EFL1: variants seen among roughly 807,000 people sequenced by gnomAD.
EFL1 encodes the protein elongation factor-like GTPase 1.
A neutral mutation model predicts 126.7 loss-of-function variants in EFL1; 76 were observed. The ratio of observed to expected loss-of-function variants is 0.60; its 90% CI spans 0.50 to 0.73. The LOEUF (loss-of-function observed/expected upper bound fraction) is 0.73. EFL1 is among the 30% of genes least tolerant of loss of function. The pLI is 0.00. For missense variants in EFL1, 1,128 were observed against 1,343.2 expected, an observed-to-expected ratio of 0.84 and a Z score of 2.50; for synonymous variants, 410 against 448.4, an observed-to-expected ratio of 0.91 and a Z score of 1.08.
At chr15:82,161,308 G>A (rs2074022071) in intron 16 of EFL1, among the ~76,000 whole-genome samples, 2 of 152,118 alleles carry the variant, frequency 1.3e-5, no homozygotes, top group Non-Finnish European at 2.9e-5. Flanking sequence ...CCCAATAGTC[G>A]TCAGACATGT....
chr15:82,137,659 C>T (rs1034286629), intron 19 of EFL1, among the ~76,000 whole-genome samples: 5 of 152,332 alleles, frequency 3.3e-5, no homozygotes, highest in African/African-American at 1.2e-4. Flanking sequence ...TTACAAGCCT[C>T]CATGGTAAAA....
At chr15:82,255,688 ATTT>A (rs549700646) in intron 3 of EFL1, among the ~76,000 whole-genome samples, 1 of 151,516 alleles carries the variant, frequency 6.6e-6, no homozygotes, top group Admixed American at 6.6e-5. Flanking sequence ...TAGAGGTCCA[ATTT>A]TTTTTTCCAC....
At chr15:82,225,758 T>C (rs2074756746) in intron 11 of EFL1, among the ~76,000 whole-genome samples, 2 of 152,190 alleles carry the variant, frequency 1.3e-5, no homozygotes, top group African/African-American at 4.8e-5. Flanking sequence ...AACAAATTCT[T>C]AGAAATAAAT....
intron 15 of EFL1, among the ~76,000 whole-genome samples, chr15:82,190,214 T>C (rs997045319): frequency 1.3e-5 from 2 of 152,222 alleles, no homozygotes; most frequent in Non-Finnish European, 2.9e-5. Flanking sequence ...GTATTGAATC[T>C]GTTCCTCACT....
rs1273110492 is a variant in EFL1, at chr15:82,148,888, T to C, written c.2989+2577A>G. 2.6e-5 allele frequency among the ~76,000 whole-genome samples: 4 copies of C among 152,172 alleles called. 1 individual carries two copies. In the South Asian group the frequency reaches 8.3e-4, roughly 31 times the overall value. On this transcript the variant is annotated intron_variant, in intron 18 of 19. Coordinates refer to ENST00000268206, the MANE Select transcript of EFL1 (RefSeq NM_024580.6). ...TCTGTAGAATTTTAAGGAAACACTA[T>C]AGACATTTGTACATGTTTATACAAG...
chr15:82,154,147 T>C (rs759106261), intron 17 of EFL1, among the ~76,000 whole-genome samples: 9 of 152,188 alleles, frequency 5.9e-5, no homozygotes, highest in Non-Finnish European at 1.2e-4. Flanking sequence ...TGGAAGGAAG[T>C]GTGTGATGGT....
chr15:82,253,696 C>G (rs1324279128), intron 3 of EFL1, among the ~76,000 whole-genome samples: 2 of 152,014 alleles, frequency 1.3e-5, no homozygotes, highest in East Asian at 1.9e-4. Flanking sequence ...TTGAATACAT[C>G]TTTTTTAAAA....
rs1370888672 is a variant in EFL1, at chr15:82,151,786, C to T, written c.2668G>A (p.Val890Ile). Residue 890 changes from valine (V) to isoleucine (I), a missense_variant, in exon 18 of 20, where the codon GTC (valine) becomes ATC (isoleucine). Physicochemically the swap from Val to Ile is conservative, Grantham distance 29. Coordinates refer to ENST00000268206, the MANE Select transcript of EFL1 (RefSeq NM_024580.6). ...TCCCATTTTTCCAGAACAAAACAGA[C>T]ACCCATGAGAGGCTCCTCACACATG... ...GPMCEEPLMG[V>I]CFVLEKWDLS... is the part of the protein sequence containing the mutation. The T allele has an allele frequency of 6.2e-7, 1 of 1,614,124 alleles. No homozygotes were observed. Among genetic ancestry groups the T allele is most frequent in the Admixed American group, 1.7e-5 (1 of 60,010 alleles).
At chr15:82,251,560 C>T (rs1320350340) in intron 4 of EFL1, among the ~76,000 whole-genome samples, 4 of 152,004 alleles carry the variant, frequency 2.6e-5, no homozygotes, top group Admixed American at 1.3e-4. Context: ...GTCTATAAAA[C>T]GAGATAAGAA....
intron 17 of EFL1, among the ~76,000 whole-genome samples, chr15:82,154,308 C>A (rs2073944199): frequency 6.6e-6 from 1 of 152,170 alleles, no homozygotes. Context: ...ACCTTGAGAT[C>A]TGGATGCTAA....
At chr15:82,160,013 T>C (rs2074006504) in intron 16 of EFL1, 1 of 152,336 alleles carries the variant, frequency 6.6e-6, no homozygotes, top group South Asian at 2.1e-4. Context: ...GCCTCCAAGA[T>C]GGCTCCAATC....
chr15:82,186,948 C>T (rs2074310311), intron 15 of EFL1, among the ~76,000 whole-genome samples: 1 of 152,164 alleles, frequency 6.6e-6, no homozygotes, highest in African/African-American at 2.4e-5. Flanking sequence ...TCACTGGAAC[C>T]TCAGCCTGTA....
intron 2 of EFL1, among the ~76,000 whole-genome samples, chr15:82,260,005 T>C (rs1367864609): frequency 6.6e-6 from 1 of 152,154 alleles, no homozygotes; most frequent in Admixed American, 6.5e-5. Context: ...GTACACCAAG[T>C]ATATACCTCC....
rs148167863 is a variant in EFL1, at chr15:82,150,332, T to C, written c.2989+1133A>G. On this transcript the variant is annotated intron_variant, in intron 18 of 19. Coordinates refer to ENST00000268206, the MANE Select transcript of EFL1 (RefSeq NM_024580.6). ...TAAAAAGAATGTAATTAACCACATATTGACTCAAAGGGCCTCAGGGTTAGA... is the reference window on the plus strand; with the variant it reads ...TAAAAAGAATGTAATTAACCACATACTGACTCAAAGGGCCTCAGGGTTAGA... Among the ~76,000 whole-genome samples, 6 of 152,268 alleles carry C rather than the reference T, an allele frequency of 3.9e-5. No homozygotes were observed. In the East Asian group the frequency reaches 9.6e-4, roughly 24 times the overall value.
chr15:82,177,019 C>A (rs945774070), intron 15 of EFL1, among the ~76,000 whole-genome samples: 1 of 152,140 alleles, frequency 6.6e-6, no homozygotes, highest in East Asian at 1.9e-4. Context: ...AGAGCACATT[C>A]TATATATAAA....
At chr15:82,130,847 A>G (rs1159847535) in intron 19 of EFL1, among the ~76,000 whole-genome samples, 1 of 151,672 alleles carries the variant, frequency 6.6e-6, no homozygotes, top group African/African-American at 2.4e-5. Flanking sequence ...AAATACAACA[A>G]CAACAACAAC....
At chr15:82,207,973 G>A (rs529507133) in intron 15 of EFL1, among the ~76,000 whole-genome samples, 25 of 151,980 alleles carry the variant, frequency 1.6e-4, no homozygotes, top group Admixed American at 7.2e-4. Context: ...TGCCTGCCTC[G>A]GCCTCCCAAA....
rs757801287 is a variant in EFL1, at chr15:82,229,153, T to C, written c.856-43A>G. 7.7e-6 allele frequency: 11 copies of C among 1,434,136 alleles called. No homozygotes were observed. The South Asian group carries it at 1.4e-4, about 18-fold the overall frequency. The allele number at this position is 1,434,136 out of a possible 1,614,324, so 88.8% of individuals were successfully genotyped here. ...CGGGCTTAAGTTCCTGAACATTTAA[T>C]AGGCATTTATATATTCCTTCTTGAC... On this transcript the variant is annotated intron_variant, in intron 8 of 19. Transcript: ENST00000268206.
At chr15:82,241,527 A>G (rs2074931368) in intron 4 of EFL1, 124 bp from the exon 5 acceptor site, 8 of 1,229,750 alleles carry the variant, frequency 6.5e-6, no homozygotes, top group African/African-American at 1.5e-5. Flanking sequence ...AAAGGAGTTG[A>G]AAGCTCAATC....
Sources: allele counts gnomAD v4.1 joint callset (sites outside exome capture counted in the v4.1 genomes callset), GRCh38; gene constraint gnomAD v4.1.1; transcripts MANE v1.5; gene names NCBI Gene and HGNC (gene_info 2026-07-23, HGNC 2026-07-21).